ARL5A: variants seen among roughly 807,000 people sequenced by gnomAD.
ARL5A encodes ADP-ribosylation factor-like protein 5A.
Under a neutral mutation model 25.9 loss-of-function variants are expected in ARL5A, and 18 were observed. That is an observed-to-expected ratio of 0.69 (90% CI 0.48 to 1.03). The LOEUF is 1.03. ARL5A is among the 50% of genes least tolerant of loss of function. The probability of loss-of-function intolerance (pLI) is 0.00; values close to 1 mark genes in which losing one functional copy is unlikely to be tolerated. For missense variants in ARL5A, 170 were observed against 211.9 expected, an observed-to-expected ratio of 0.80 and a Z score of 1.23; for synonymous variants, 61 against 67.5, an observed-to-expected ratio of 0.90 and a Z score of 0.47.
chr2:151,822,288 G>A (rs1055140913), intron 1 of ARL5A, among the ~76,000 whole-genome samples: 1 of 152,240 alleles, frequency 6.6e-6, no homozygotes, highest in Non-Finnish European at 1.5e-5. Context: ...TGGGATTACA[G>A]GCATGAGCCA....
At chr2:151,819,754 A>G (rs2099832011) in intron 1 of ARL5A, among the ~76,000 whole-genome samples, 2 of 149,258 alleles carry the variant, frequency 1.3e-5, no homozygotes, top group Admixed American at 1.3e-4. Context: ...AAACTACTGA[A>G]AAAAAAAAAA....
At chr2:151,825,288 A>AT (rs1366844812) in intron 1 of ARL5A, among the ~76,000 whole-genome samples, 1 of 152,164 alleles carries the variant, frequency 6.6e-6, no homozygotes, top group Non-Finnish European at 1.5e-5. Flanking sequence ...GAAAAAGTTA[A>AT]TGGGGGGAGG....
In ARL5A at chr2:151,816,921, G is replaced by A. The variant is rs187347581; in HGVS notation, c.47-1722C>T. On this transcript the variant is annotated intron_variant, in intron 1 of 5. Transcript: ENST00000295087. The stretch of plus-strand genomic sequence containing the variant: ...TTTGCCCTACTGGAGGCTAATGTCT[G>A]TGTATTGAGCACATTTAAGGTAGGC... Among the ~76,000 whole-genome samples the A allele has an allele frequency of 1.8e-3, 269 of 152,342 alleles. 1 individual carries two copies. The highest frequency in any genetic ancestry group is 0.014 in the Middle Eastern group (4 of 292).
chr2:151,814,559 T>C (rs1249592817), intron 2 of ARL5A, among the ~76,000 whole-genome samples: 1 of 151,680 alleles, frequency 6.6e-6, no homozygotes, highest in Non-Finnish European at 1.5e-5. Flanking sequence ...TTCTACTTTC[T>C]TTTTTTTAAT....
chr2:151,811,438 A>T (rs1404391856), intron 4 of ARL5A, among the ~76,000 whole-genome samples: 2 of 152,130 alleles, frequency 1.3e-5, no homozygotes, highest in Non-Finnish European at 2.9e-5. Context: ...CAATTTTACT[A>T]AATACTATAT....
rs1335413905 is a variant in ARL5A at position 151,802,633 on chromosome 2, G to GCAAAT, written c.*642_*643insATTTG. On this transcript the variant is annotated 3_prime_UTR_variant, in exon 6 of 6. Coordinates refer to ENST00000295087, the MANE Select transcript of ARL5A (RefSeq NM_012097.4). ...TTTTTTTTTTTAAACAAGCAGCTCA[G>GCAAAT]CGATTTGGGAGGTTGGTTAGTACAA... 1 of 151,278 alleles carries GCAAAT rather than the reference G, an allele frequency of 6.6e-6. No homozygotes were observed. Among genetic ancestry groups the GCAAAT allele is most frequent in the African/African-American group, 2.4e-5 (1 of 40,972 alleles). 9.4% of individuals were successfully genotyped at this position (151,278 alleles called of 1,614,324 possible).
rs1480478349 is a variant in ARL5A at position 151,801,779 on chromosome 2, G to T, written c.*1497C>A. 6.6e-6 allele frequency: 1 copy of T among 151,890 alleles called. No homozygotes were observed. The highest frequency in any genetic ancestry group is 2.4e-5 in the African/African-American group (1 of 41,388). 9.4% of individuals were successfully genotyped at this position (151,890 alleles called of 1,614,324 possible). Reference sequence around the variant, plus strand: ...GAAATTTAAAAGGCTGATATTGAAGGTAGTTTTTTTTTCTCAAATATGCTA... The same window carrying T: ...GAAATTTAAAAGGCTGATATTGAAGTTAGTTTTTTTTTCTCAAATATGCTA... On this transcript the variant is annotated 3_prime_UTR_variant, in exon 6 of 6. Coordinates refer to ENST00000295087, the MANE Select transcript of ARL5A (RefSeq NM_012097.4).
At chr2:151,809,026 C>G (rs933946651) in intron 4 of ARL5A, among the ~76,000 whole-genome samples, 1 of 152,158 alleles carries the variant, frequency 6.6e-6, no homozygotes, top group Non-Finnish European at 1.5e-5. Context: ...CCAGCCTGGG[C>G]AACAGAGTGA....
chr2:151,822,558 T>G (rs2099832487), intron 1 of ARL5A, among the ~76,000 whole-genome samples: 1 of 152,230 alleles, frequency 6.6e-6, no homozygotes, highest in Non-Finnish European at 1.5e-5. Context: ...AATGTAAATT[T>G]GTAGCCAAAA....
At chr2:151,822,662 G>A (rs908050071) in intron 1 of ARL5A, among the ~76,000 whole-genome samples, 12 of 152,176 alleles carry the variant, frequency 7.9e-5, no homozygotes, top group African/African-American at 2.7e-4. Context: ...AAAACTTTCA[G>A]CCATTCCAAC....
chr2:151,807,344 C>A (rs2099830224), intron 4 of ARL5A, among the ~76,000 whole-genome samples: 1 of 152,146 alleles, frequency 6.6e-6, no homozygotes, highest in African/African-American at 2.4e-5. Flanking sequence ...TCACATCACT[C>A]CTATATAAGT....
chr2:151,810,463 C>T, intron 4 of ARL5A: 1 of 368,374 alleles, frequency 2.7e-6, no homozygotes, highest in Non-Finnish European at 5.5e-6. Flanking sequence ...CTTGCTCAAA[C>T]TCCCAACTTC....
chr2:151,813,353 T>C (rs1217219946), intron 3 of ARL5A, among the ~76,000 whole-genome samples: 1 of 152,208 alleles, frequency 6.6e-6, no homozygotes, highest in Non-Finnish European at 1.5e-5. Flanking sequence ...TTTATCACTG[T>C]AAGGCCCATT....
chr2:151,815,194 T>C lies in ARL5A; in HGVS notation c.52A>G (p.Lys18Glu), dbSNP rs933836843. 2 of 1,605,676 alleles carry C rather than the reference T, an allele frequency of 1.2e-6. No homozygotes were observed. Among genetic ancestry groups the C allele is most frequent in the Non-Finnish European group, 1.7e-6 (2 of 1,176,602 alleles). The change falls in exon 2 of 6, where the codon AAA becomes GAA. Residue 18 changes from lysine (K) to glutamate (E), a missense_variant. Coordinates refer to ENST00000295087, the MANE Select transcript of ARL5A (RefSeq NM_012097.4). ...TTATCCAGCCCAACAATGATAACTT[T>C]GTGCTCTGAAATAGAGAAAACACCA... ...IWRLFNHQEH[K>E]VIIVGLDNAG...
intron 2 of ARL5A, 79 bp downstream of exon 2, chr2:151,815,060 C>T: frequency 9.6e-7 from 1 of 1,040,778 alleles, no homozygotes; most frequent in Non-Finnish European, 1.4e-6. Flanking sequence ...TAATTTCTTA[C>T]TGCATTCATT....
chr2:151,817,801 T>G (rs2099831716), intron 1 of ARL5A, among the ~76,000 whole-genome samples: 1 of 151,774 alleles, frequency 6.6e-6, no homozygotes, highest in Admixed American at 6.6e-5. Context: ...AGGTCAGGAG[T>G]TCAAGACCAA....
chr2:151,814,077 G>T, intron 3 of ARL5A, 92 bp downstream of exon 3: 1 of 1,188,862 alleles, frequency 8.4e-7, no homozygotes, highest in Non-Finnish European at 1.2e-6. Context: ...AACATACTGT[G>T]ATATTTCAAA....
chr2:151,822,300 T>G (rs550295775), intron 1 of ARL5A, among the ~76,000 whole-genome samples: 18 of 152,358 alleles, frequency 1.2e-4, no homozygotes, highest in African/African-American at 4.1e-4. Context: ...CATGAGCCAC[T>G]GCGTCCCGGC....
At chr2:151,806,727 C>A in intron 5 of ARL5A, 94 bp downstream of exon 5, 6 of 1,299,974 alleles carry the variant, frequency 4.6e-6, no homozygotes, top group South Asian at 1.6e-5. Flanking sequence ...ATGTTTTATA[C>A]ACAATAGCCT....
Sources: allele counts gnomAD v4.1 joint callset (sites outside exome capture counted in the v4.1 genomes callset), GRCh38; gene constraint gnomAD v4.1.1; transcripts MANE v1.5; gene names NCBI Gene and HGNC (gene_info 2026-07-23, HGNC 2026-07-21).